SHANK2: variants seen among roughly 807,000 people sequenced by gnomAD.
SHANK2 encodes SH3 and multiple ankyrin repeat domains protein 2.
Under a neutral mutation model 133.7 loss-of-function variants are expected in SHANK2, and 43 were observed. The observed-to-expected ratio is 0.32, with a 90% CI of 0.25 to 0.41. The LOEUF (loss-of-function observed/expected upper bound fraction) is 0.41. Among genes scored for constraint, SHANK2 ranks in the 10% least tolerant of loss-of-function variants. The pLI is 1.00. For missense variants in SHANK2, 1,994 were observed against 2,235.8 expected, an observed-to-expected ratio of 0.89 and a Z score of 2.18; for synonymous variants, 1,017 against 952.8, an observed-to-expected ratio of 1.07 and a Z score of -1.24.
At chr11:71,172,341 G>C (rs1255003215) in intron 2 of SHANK2, among the ~76,000 whole-genome samples, 1 of 152,110 alleles carries the variant, frequency 6.6e-6, no homozygotes, top group Non-Finnish European at 1.5e-5. Context: ...GCCGGGCACG[G>C]TGGCTCACAC....
At chr11:70,840,102 G>A (rs549872035) in intron 11 of SHANK2, among the ~76,000 whole-genome samples, 1 of 152,368 alleles carries the variant, frequency 6.6e-6, no homozygotes, top group Non-Finnish European at 1.5e-5. Flanking sequence ...ACGGCGTACA[G>A]TCTGGGAAGA....
rs1158063620 is a variant in SHANK2 at position 71,111,646 on chromosome 11, G to A, written c.484-1597C>T. Among the ~76,000 whole-genome samples the A allele has an allele frequency of 6.6e-5, 10 of 152,160 alleles. No homozygotes were observed. The South Asian group carries it at 1.5e-3, about 22-fold the overall frequency. ...ACAAATGCGGCTTCTGACACAGCAG[G>A]TTCCTGGGCCCTTCAACCTCCTGGC... On this transcript the variant is annotated intron_variant, in intron 5 of 25. Coordinates refer to ENST00000601538, the MANE Select transcript of SHANK2 (RefSeq NM_012309.5).
intron 17 of SHANK2, among the ~76,000 whole-genome samples, chr11:70,558,947 G>C (rs2059869879): frequency 6.6e-6 from 1 of 152,192 alleles, no homozygotes; most frequent in South Asian, 2.1e-4. Context: ...GGGGCAATGT[G>C]CACACACACG....
intron 11 of SHANK2, among the ~76,000 whole-genome samples, chr11:70,869,189 C>T (rs1949419204): frequency 6.6e-6 from 1 of 152,176 alleles, no homozygotes; most frequent in African/African-American, 2.4e-5. Flanking sequence ...CCAGAGACCC[C>T]TTGATCTCAG....
intron 2 of SHANK2, among the ~76,000 whole-genome samples, chr11:71,216,046 ACT>A (rs10578286): frequency 0.98 from 148,858 of 152,078 alleles, 72,971 homozygotes; most frequent in Non-Finnish European, 1. Flanking sequence ...CGGCGCAGCC[ACT>A]CTCTGGAACA....
At chr11:70,669,614 G>C (rs1565229067) in intron 15 of SHANK2, 1 of 152,610 alleles carries the variant, frequency 6.6e-6, no homozygotes, top group Non-Finnish European at 1.5e-5. Context: ...GTCTCCGAGG[G>C]TTGCAGGGAC....
In SHANK2 at chr11:70,534,829, G is replaced by T. The variant is rs139284898; in HGVS notation, c.2062-31898C>A. Among the ~76,000 whole-genome samples, 703 of 152,296 alleles carry T rather than the reference G, an allele frequency of 4.6e-3. 9 individuals are homozygous for T. Among genetic ancestry groups the T allele is most frequent in the African/African-American group, 0.016 (668 of 41,550 alleles). On this transcript the variant is annotated intron_variant, in intron 17 of 25. Coordinates refer to ENST00000601538, the MANE Select transcript of SHANK2 (RefSeq NM_012309.5). Reference sequence around the variant, plus strand: ...GGACAATGGCGAGGTGGGGACTCACGATCTGCATGACGGTCTTTCCCTTGA... The same window carrying T: ...GGACAATGGCGAGGTGGGGACTCACTATCTGCATGACGGTCTTTCCCTTGA...
At position 70,487,894 on chromosome 11, in the gene SHANK2, G is replaced by C. The variant is rs150399815; in HGVS notation, c.2573-174C>G. ...AGTGGTTAGTCACATGGCCCGTCGT[G>C]AGCCAAAGGACAAGAAAGGGAAGAA... is the stretch of plus-strand genomic sequence containing the variant. On this transcript the variant is annotated intron_variant, in intron 24 of 25. Coordinates refer to ENST00000601538, the MANE Select transcript of SHANK2 (RefSeq NM_012309.5). The surrounding 1 kb of genome is among the most constrained non-coding windows in gnomAD (Gnocchi z 5.8). Among the ~76,000 whole-genome samples, 1 of 152,328 alleles carries C rather than the reference G, an allele frequency of 6.6e-6. No individual in the cohort carries two copies. The highest frequency in any genetic ancestry group is 1.9e-4 in the East Asian group (1 of 5,176).
intron 14 of SHANK2, among the ~76,000 whole-genome samples, chr11:70,750,633 G>C (rs1946734537): frequency 6.6e-6 from 1 of 152,204 alleles, no homozygotes; most frequent in Admixed American, 6.5e-5. Flanking sequence ...GGAGGGAGCA[G>C]AACAGGGATC....
At chr11:70,597,112 C>A (rs1348081153) in intron 17 of SHANK2, among the ~76,000 whole-genome samples, 1 of 152,064 alleles carries the variant, frequency 6.6e-6, no homozygotes, top group Non-Finnish European at 1.5e-5. Context: ...TCCCTCCAGA[C>A]TCAGGGGCGC....
intron 2 of SHANK2, among the ~76,000 whole-genome samples, chr11:71,210,091 T>G (rs1030579465): frequency 6.6e-6 from 1 of 150,816 alleles, no homozygotes; most frequent in Admixed American, 6.6e-5. Context: ...CAAGGGAACT[T>G]CTGAAGGCAG....
rs116371209 is a variant in SHANK2 at position 71,223,890 on chromosome 11, G to A, written c.-13+807C>T. 7.3e-3 allele frequency among the ~76,000 whole-genome samples: 1,113 copies of A among 152,032 alleles called. 20 individuals are homozygous for A. The highest frequency in any genetic ancestry group is 0.025 in the African/African-American group (1,057 of 41,470). On this transcript the variant is annotated intron_variant, in intron 2 of 25. Transcript: ENST00000601538. ...CACTGTCTGGGTCTGGCATGGGCAC[G>A]TTGGTGAGGATAGCTCAGAAGGATT... is the stretch of plus-strand genomic sequence containing the variant.
chr11:71,210,825 C>T (rs1401681625), intron 2 of SHANK2, among the ~76,000 whole-genome samples: 2 of 152,156 alleles, frequency 1.3e-5, no homozygotes, highest in African/African-American at 2.4e-5. Flanking sequence ...CAAGAATGAG[C>T]CCGGAAGCCT....
chr11:70,766,875 T>G (rs1947134155), intron 14 of SHANK2, among the ~76,000 whole-genome samples: 1 of 152,206 alleles, frequency 6.6e-6, no homozygotes, highest in Non-Finnish European at 1.5e-5. Flanking sequence ...ACAAGCAATT[T>G]TTAAACGGCA....
rs1288400133 is a variant in SHANK2 at position 70,820,555 on chromosome 11, G to A, written c.1302C>T (p.Ala434=). ...GGTGCGAGGTGGCCGTGGAGCAGAC[G>A]GCCCAGTCGGGAGCGCTGGCATTGA... ...NNLNASAPDW[A]VCSTATSHRS... is the part of the protein sequence containing the mutation. The change falls in exon 12 of 26, where the codon GCC becomes GCT. Residue 434 remains alanine (A), a synonymous_variant. Coordinates refer to ENST00000601538, the MANE Select transcript of SHANK2 (RefSeq NM_012309.5). 4.2e-6 allele frequency: 3 copies of A among 716,986 alleles called. No homozygotes were observed. The highest frequency in any genetic ancestry group is 5.2e-6 in the Non-Finnish European group (2 of 384,734). 44.4% of individuals were successfully genotyped at this position (716,986 alleles called of 1,614,324 possible). A position where few individuals can be genotyped will look rare whatever the true frequency, so the allele number is the denominator to read the frequency against.
intron 8 of SHANK2, among the ~76,000 whole-genome samples, chr11:71,089,992 C>T (rs1479577732): frequency 6.6e-6 from 1 of 152,190 alleles, no homozygotes; most frequent in Non-Finnish European, 1.5e-5. Context: ...GGGGAAGCAG[C>T]TCCCCCAACC....
intron 20 of SHANK2, among the ~76,000 whole-genome samples, chr11:70,501,198 C>T (rs2059045582): frequency 6.6e-6 from 1 of 152,236 alleles, no homozygotes; most frequent in Non-Finnish European, 1.5e-5. Context: ...ACTGAGGCCT[C>T]ATGCCCATCC....
At position 70,479,556 on chromosome 11, in the gene SHANK2, G is replaced by A. The variant is rs1489847827; in HGVS notation, c.4979+5758C>T. Among the ~76,000 whole-genome samples, 4 of 152,214 alleles carry A rather than the reference G, an allele frequency of 2.6e-5. No individual in the cohort carries two copies. Among genetic ancestry groups the A allele is most frequent in the Admixed American group, 6.5e-5 (1 of 15,290 alleles). On this transcript the variant is annotated intron_variant, in intron 25 of 25. Transcript: ENST00000601538. The surrounding 1 kb of genome is among the most constrained non-coding windows in gnomAD (Gnocchi z 4.4). ...AAGCCCATCCATCCCATGGGGAAGC[G>A]AAGGCCAATCTCGAGGTCCCTTCTG...
At chr11:70,497,615 G>C (rs1167918569) in intron 21 of SHANK2, among the ~76,000 whole-genome samples, 2 of 152,182 alleles carry the variant, frequency 1.3e-5, no homozygotes, top group Non-Finnish European at 2.9e-5. Flanking sequence ...TTTGTCACCT[G>C]CCTGTTACCA....
Sources: allele counts gnomAD v4.1 joint callset (sites outside exome capture counted in the v4.1 genomes callset), GRCh38; gene constraint gnomAD v4.1.1; non-coding constraint Gnocchi (gnomAD v3.1); transcripts MANE v1.5; gene names NCBI Gene and HGNC (gene_info 2026-07-23, HGNC 2026-07-21).